Variants in PNO1 observed in about 807,000 individuals in gnomAD.
PNO1 encodes the protein RNA-binding protein PNO1.
PNO1 carries 16 observed loss-of-function variants against 28.4 expected under a neutral mutation model. The ratio of observed to expected loss-of-function variants is 0.56; its 90% confidence interval spans 0.38 to 0.85. PNO1 has a LOEUF of 0.85. Among genes scored for constraint, PNO1 ranks in the 40% least tolerant of loss-of-function variants. The probability of loss-of-function intolerance (pLI) is 0.00; values close to 1 mark genes in which losing one functional copy is unlikely to be tolerated. For missense variants in PNO1, 304 were observed against 312.2 expected (o/e 0.97, Z 0.20); for synonymous variants, 115 against 110.8 (o/e 1.04, Z -0.24).
In PNO1 at chr2:68,176,124, A is replaced by G. The variant is rs1352569417; in HGVS notation, c.*1322A>G. ...ATGAAAGAATGCTTTTTTCCCACCC[A>G]AAAAACTATGCTCTATAAATGCAGA... On this transcript the variant is annotated 3_prime_UTR_variant, in exon 7 of 7. Coordinates refer to ENST00000263657, the MANE Select transcript of PNO1 (RefSeq NM_020143.4). The G allele has an allele frequency of 6.6e-6, 1 of 152,196 alleles. No homozygotes were observed. Among genetic ancestry groups the G allele is most frequent in the Middle Eastern group, 3.2e-3 (1 of 316 alleles). 9.4% of individuals were successfully genotyped at this position (152,196 alleles called of 1,614,324 possible). A position where few individuals can be genotyped will look rare whatever the true frequency, so the allele number is the denominator to read the frequency against.
chr2:68,173,576 A>ATTTTTT (rs34874863), intron 6 of PNO1, among the ~76,000 whole-genome samples, 159 bp downstream of exon 6: 3 of 111,400 alleles, frequency 2.7e-5, no homozygotes, highest in Non-Finnish European at 3.4e-5. Flanking sequence ...AGGAAGTAGA[A>ATTTTTT]TTTTTTTTTT....
At chr2:68,172,214 G>A (rs1435845000) in intron 5 of PNO1, among the ~76,000 whole-genome samples, 2 of 152,184 alleles carry the variant, frequency 1.3e-5, no homozygotes, top group African/African-American at 4.8e-5. Context: ...ATCTGTAGGG[G>A]CAGCTGAGGA....
chr2:68,157,956 C>T lies in PNO1; in HGVS notation c.22C>T (p.Gln8Ter). The T allele has an allele frequency of 1.2e-6, 2 of 1,614,058 alleles. No homozygotes were observed. Among genetic ancestry groups the T allele is most frequent in the African/African-American group, 1.3e-5 (1 of 75,072 alleles). Reference protein sequence around the residue: MESEMETQSARAEEGFTQ... With the variant: MESEMET ...GGGGATGGAATCCGAAATGGAAACG[C>T]AGAGCGCCAGGGCAGAGGAGGGCTT... The change falls in exon 1 of 7, where the codon CAG (glutamine) becomes TAG (stop). Residue 8 changes from glutamine to a stop codon, truncating the protein, a stop_gained. Transcript: ENST00000263657. LOFTEE classifies it high-confidence loss of function.
intron 5 of PNO1, among the ~76,000 whole-genome samples, chr2:68,170,337 T>G (rs1262274258): frequency 2.6e-5 from 4 of 152,202 alleles, no homozygotes; most frequent in African/African-American, 9.7e-5. Context: ...GCCCCATTAC[T>G]TTGGTTCTTT....
intron 6 of PNO1, 49 bp downstream of exon 6, chr2:68,173,466 T>G (rs1280233019): frequency 3.5e-6 from 4 of 1,151,630 alleles, no homozygotes; most frequent in Non-Finnish European, 5.2e-6. Flanking sequence ...GGATAGGAAG[T>G]TAATTGAGGA....
intron 4 of PNO1, 56 bp downstream of exon 4, chr2:68,162,381 T>G (rs1673856512): frequency 1.5e-6 from 2 of 1,336,348 alleles, no homozygotes; most frequent in Non-Finnish European, 1.1e-6. Context: ...GTGATGTGAC[T>G]CTCAGTTTTC....
intron 5 of PNO1, among the ~76,000 whole-genome samples, chr2:68,167,154 T>G (rs934835878): frequency 1.3e-5 from 2 of 152,192 alleles, no homozygotes; most frequent in African/African-American, 4.8e-5. Context: ...CGAGTTCTCT[T>G]CCATAGCATT....
At chr2:68,158,233 G>T (rs1673723860) in intron 1 of PNO1, 92 bp downstream of exon 1, 1 of 1,413,036 alleles carries the variant, frequency 7.1e-7, no homozygotes, top group African/African-American at 1.4e-5. Context: ...CTGCGGTGGG[G>T]CTGTTCTGCC....
intron 2 of PNO1, 61 bp downstream of exon 2, chr2:68,158,590 G>GCCTATTCAT: frequency 1.4e-6 from 2 of 1,396,680 alleles, no homozygotes; most frequent in Non-Finnish European, 2.0e-6. Context: ...GAGATGAAAA[G>GCCTATTCAT]GCATGAATAG....
intron 5 of PNO1, among the ~76,000 whole-genome samples, chr2:68,166,186 A>T (rs921118516): frequency 2.6e-5 from 4 of 152,198 alleles, no homozygotes; most frequent in Non-Finnish European, 4.4e-5. Flanking sequence ...TTGCACAGGT[A>T]TACTGTTGAC....
intron 5 of PNO1, among the ~76,000 whole-genome samples, chr2:68,166,394 A>AAAG (rs34520955): frequency 0.75 from 113,391 of 151,854 alleles, 43,376 homozygotes; most frequent in African/African-American, 0.93. Context: ...AAGCTAGAGA[A>AAAG]AAAATGTTAT....
At position 68,157,926 on chromosome 2, in the gene PNO1, T is replaced by C. The variant is rs1448426440; in HGVS notation, c.-9T>C. On this transcript the variant is annotated 5_prime_UTR_variant, in exon 1 of 7. Coordinates refer to ENST00000263657, the MANE Select transcript of PNO1 (RefSeq NM_020143.4). The stretch of plus-strand genomic sequence containing the variant: ...TGTTTCAGCCGGCAGCGCTTTAAGA[T>C]TTCCGGGGATGGAATCCGAAATGGA... The C allele has an allele frequency of 6.2e-6, 10 of 1,613,404 alleles. No individual in the cohort carries two copies. In the Admixed American group the frequency reaches 6.7e-5, roughly 11 times the overall value.
intron 5 of PNO1, among the ~76,000 whole-genome samples, chr2:68,165,710 C>T (rs1406762631): frequency 6.6e-6 from 1 of 151,866 alleles, no homozygotes; most frequent in Non-Finnish European, 1.5e-5. Context: ...AAATCTAAAA[C>T]TAACTGATTT....
At chr2:68,167,318 C>G (rs1312468892) in intron 5 of PNO1, among the ~76,000 whole-genome samples, 1 of 152,138 alleles carries the variant, frequency 6.6e-6, no homozygotes, top group Admixed American at 6.5e-5. Context: ...TGGGACATTG[C>G]TCAACATCAA....
At chr2:68,161,430 T>C in intron 2 of PNO1, 3 of 480,586 alleles carry the variant, frequency 6.2e-6, no homozygotes, top group Non-Finnish European at 1.2e-5. Context: ...CCCCAAAATC[T>C]GATCATATAG....
chr2:68,164,904 A>C (rs1339091492), intron 5 of PNO1, among the ~76,000 whole-genome samples: 1 of 152,238 alleles, frequency 6.6e-6, no homozygotes, highest in Admixed American at 6.5e-5. Flanking sequence ...CTCATAAGTC[A>C]GAAGTTCATT....
At chr2:68,167,685 T>C (rs977766028) in intron 5 of PNO1, among the ~76,000 whole-genome samples, 2 of 152,204 alleles carry the variant, frequency 1.3e-5, no homozygotes, top group African/African-American at 4.8e-5. Context: ...CAGGCAGATA[T>C]TATTTCTCCT....
At chr2:68,166,283 A>T (rs747255730) in intron 5 of PNO1, among the ~76,000 whole-genome samples, 1 of 152,190 alleles carries the variant, frequency 6.6e-6, no homozygotes, top group Non-Finnish European at 1.5e-5. Flanking sequence ...CCAAAACTTA[A>T]CTACTCCTGC....
At chr2:68,162,969 A>C (rs929176460) in intron 5 of PNO1, among the ~76,000 whole-genome samples, 5 of 152,214 alleles carry the variant, frequency 3.3e-5, no homozygotes, top group Non-Finnish European at 7.3e-5. Context: ...TGAATATTGA[A>C]TACTGTACTA....
Sources: gnomAD v4.1 joint callset for allele counts (sites outside exome capture counted in the v4.1 genomes callset) on GRCh38, gnomAD v4.1.1 for gene constraint, MANE v1.5 for transcripts, NCBI Gene and HGNC (gene_info 2026-07-23, HGNC 2026-07-21) for gene names.